The following KIRREL3 variants were observed in gnomAD, a reference collection of about 807,000 sequenced individuals.
KIRREL3 encodes the protein kin of IRRE-like protein 3.
A neutral mutation model predicts 89.7 loss-of-function variants in KIRREL3; 36 were observed. The ratio of observed to expected loss-of-function variants is 0.40; its 90% CI spans 0.31 to 0.53. KIRREL3 has a LOEUF of 0.53. Among genes scored for constraint, KIRREL3 ranks in the 20% least tolerant of loss-of-function variants. The pLI, the probability that KIRREL3 is intolerant of heterozygous loss-of-function variation, is 0.49. For missense variants in KIRREL3, 864 were observed against 1,056.6 expected, an observed-to-expected ratio of 0.82 and a Z score of 2.53; for synonymous variants, 445 against 441.4, an observed-to-expected ratio of 1.01 and a Z score of -0.10.
intron 1 of KIRREL3, among the ~76,000 whole-genome samples, chr11:126,880,162 TGTAA>T (rs748561914): frequency 3.9e-5 from 6 of 152,240 alleles, no homozygotes; most frequent in South Asian, 2.1e-4. Context: ...TGGGTGCGGC[TGTAA>T]GTGTTTGCTC....
In KIRREL3 at chr11:126,454,808, G is replaced by A. The variant is rs1163986286; in HGVS notation, c.848+1541C>T. 1.3e-5 allele frequency among the ~76,000 whole-genome samples: 2 copies of A among 152,158 alleles called. No individual in the cohort carries two copies. The highest frequency in any genetic ancestry group is 2.9e-5 in the Non-Finnish European group (2 of 68,024). On this transcript the variant is annotated intron_variant, in intron 7 of 16. Transcript: ENST00000525144. The surrounding 1 kb of genome is among the most constrained non-coding windows in gnomAD (Gnocchi z 5.8). ...TCCCCGGCTCAGAAGGGACCCTGGA[G>A]GTCATCTGTTCTTTCTTCTGACTCT...
At position 126,440,514 on chromosome 11, in the gene KIRREL3, C is replaced by A; in HGVS notation, c.1288G>T (p.Ala430Ser). Residue 430 changes from alanine (A) to serine (S), a missense_variant, in exon 11 of 17, where the codon GCC becomes TCC. Physicochemically the swap from Ala to Ser is moderately conservative, Grantham distance 99 (BLOSUM62 1). Transcript: ENST00000525144. ...PIISSTQTQH[A>S]LHGEKGQIKC... is the part of the protein sequence containing the mutation. ...ATCTGGCCCTTCTCGCCGTGGAGGG[C>A]GTGCTGGGTCTGGGTGCTGGAGATG... The A allele has an allele frequency of 6.2e-7, 1 of 1,601,960 alleles. No homozygotes were observed. Among genetic ancestry groups the A allele is most frequent in the South Asian group, 1.1e-5 (1 of 88,278 alleles).
intron 1 of KIRREL3, among the ~76,000 whole-genome samples, chr11:126,913,040 G>A (rs1946890071): frequency 6.6e-6 from 1 of 152,224 alleles, no homozygotes; most frequent in Non-Finnish European, 1.5e-5. Flanking sequence ...TGTTAGGCAA[G>A]TGAAATGTAG....
intron 2 of KIRREL3, among the ~76,000 whole-genome samples, chr11:126,532,109 C>T (rs753717283): frequency 7.9e-5 from 12 of 152,276 alleles, no homozygotes; most frequent in Non-Finnish European, 1.2e-4. Flanking sequence ...TGGCTGTATA[C>T]GTTGTTTCTG....
chr11:126,539,110 C>T (rs1938152718), intron 2 of KIRREL3, among the ~76,000 whole-genome samples: 1 of 152,198 alleles, frequency 6.6e-6, no homozygotes, highest in Non-Finnish European at 1.5e-5. Flanking sequence ...GGGCAAATTG[C>T]TTAGTCCCTC....
Position 126,486,318 on chromosome 11 carries a change from G to A in KIRREL3, c.434-12852C>T, listed in dbSNP as rs939832278. 2.0e-5 allele frequency among the ~76,000 whole-genome samples: 3 copies of A among 152,160 alleles called. No homozygotes were observed. Among genetic ancestry groups the A allele is most frequent in the Admixed American group, 6.5e-5 (1 of 15,280 alleles). ...GGGGGAGTGCATCAAACTGGAGAGAGGAAGGGGTGAGTAGGGCTGGGGCAG... is the reference window on the plus strand; with the variant it reads ...GGGGGAGTGCATCAAACTGGAGAGAAGAAGGGGTGAGTAGGGCTGGGGCAG... On this transcript the variant is annotated intron_variant, in intron 4 of 16. Transcript: ENST00000525144. The surrounding 1 kb of genome is among the most constrained non-coding windows in gnomAD (Gnocchi z 6.2).
At chr11:126,819,282 A>G (rs569028734) in intron 1 of KIRREL3, among the ~76,000 whole-genome samples, 48 of 152,360 alleles carry the variant, frequency 3.2e-4, no homozygotes, top group African/African-American at 1.0e-3. Context: ...GCTGAGAGGC[A>G]CTAAGGCTTT....
At chr11:126,923,902 T>C (rs1410507432) in intron 1 of KIRREL3, among the ~76,000 whole-genome samples, 3 of 152,184 alleles carry the variant, frequency 2.0e-5, no homozygotes, top group African/African-American at 7.2e-5. Flanking sequence ...CTCAAATGTG[T>C]CCAAAGTGAA....
chr11:126,984,669 G>T (rs1299229690), intron 1 of KIRREL3, among the ~76,000 whole-genome samples: 3 of 152,164 alleles, frequency 2.0e-5, no homozygotes, highest in Non-Finnish European at 4.4e-5. Flanking sequence ...TTGTGCCATA[G>T]TTGGAATCAA....
chr11:126,865,277 C>G (rs901889661), intron 1 of KIRREL3, among the ~76,000 whole-genome samples: 1 of 152,212 alleles, frequency 6.6e-6, no homozygotes, highest in Non-Finnish European at 1.5e-5. Flanking sequence ...AGCAAATTGA[C>G]CAAGCTCACC....
intron 1 of KIRREL3, among the ~76,000 whole-genome samples, chr11:126,567,875 G>A (rs1457324687): frequency 6.6e-6 from 1 of 152,074 alleles, no homozygotes; most frequent in Admixed American, 6.5e-5. Flanking sequence ...CGGTGACAAC[G>A]GATAGGCACC....
chr11:126,749,256 C>T (rs1949254989), intron 1 of KIRREL3, among the ~76,000 whole-genome samples: 1 of 152,144 alleles, frequency 6.6e-6, no homozygotes, highest in African/African-American at 2.4e-5. Context: ...CCCGCTGAGC[C>T]GGATCCTTTC....
Position 126,898,898 on chromosome 11 carries a change from G to T in KIRREL3, c.55+101557C>A, listed in dbSNP as rs973544837. 6.6e-6 allele frequency among the ~76,000 whole-genome samples: 1 copy of T among 152,044 alleles called. No individual in the cohort carries two copies. The highest frequency in any genetic ancestry group is 1.5e-5 in the Non-Finnish European group (1 of 68,026). On this transcript the variant is annotated intron_variant, in intron 1 of 16. Transcript: ENST00000525144. This position sits in a 1 kb window ranked among gnomAD's most constrained non-coding sequence, Gnocchi z 4.9. The stretch of plus-strand genomic sequence containing the variant: ...AAATGCCAACTTAAGTGGTGATTTT[G>T]ATGGCTACAATCCAGGCCCCCTTTC...
chr11:126,700,417 C>T (rs1299947171), intron 1 of KIRREL3, among the ~76,000 whole-genome samples: 2 of 152,280 alleles, frequency 1.3e-5, no homozygotes, highest in Non-Finnish European at 1.5e-5. Flanking sequence ...AGAACAGGAC[C>T]GGAAAACGAT....
intron 1 of KIRREL3, among the ~76,000 whole-genome samples, chr11:126,923,612 T>A (rs1947569982): frequency 6.6e-6 from 1 of 151,744 alleles, no homozygotes; most frequent in South Asian, 2.1e-4. Context: ...CTCAGCTAAT[T>A]TTTTGTATTT....
At chr11:126,889,862 T>C (rs950557896) in intron 1 of KIRREL3, among the ~76,000 whole-genome samples, 1 of 152,224 alleles carries the variant, frequency 6.6e-6, no homozygotes, top group African/African-American at 2.4e-5. Flanking sequence ...TGGGAATCAC[T>C]TCATAAAAAA....
chr11:126,734,461 C>T lies in KIRREL3; in HGVS notation c.56-171549G>A, dbSNP rs566795105. Among the ~76,000 whole-genome samples, 2 of 152,102 alleles carry T rather than the reference C, an allele frequency of 1.3e-5. No homozygotes were observed. The highest frequency in any genetic ancestry group is 2.4e-5 in the African/African-American group (1 of 41,508). On this transcript the variant is annotated intron_variant, in intron 1 of 16. Coordinates refer to ENST00000525144, the MANE Select transcript of KIRREL3 (RefSeq NM_032531.4). This position sits in a 1 kb window ranked among gnomAD's most constrained non-coding sequence, Gnocchi z 5.9. ...GGTGGATCACCTGAGGTCAGGAGTT[C>T]GAGACCAGCCTGACCAACATGGAGA...
At position 126,734,722 on chromosome 11, in the gene KIRREL3, G is replaced by A. The variant is rs759118938; in HGVS notation, c.56-171810C>T. 1.3e-5 allele frequency among the ~76,000 whole-genome samples: 2 copies of A among 152,162 alleles called. No homozygotes were observed. Among genetic ancestry groups the A allele is most frequent in the Non-Finnish European group, 2.9e-5 (2 of 68,040 alleles). ...CTAGGAATTACAGAAAGTGATAAAG[G>A]AGACTGTGTGATATGGTCAGTAACA... On this transcript the variant is annotated intron_variant, in intron 1 of 16. Transcript: ENST00000525144. The surrounding 1 kb of genome is among the most constrained non-coding windows in gnomAD (Gnocchi z 5.9).
At position 126,766,625 on chromosome 11, in the gene KIRREL3, T is replaced by TACCA. The variant is rs1949832816; in HGVS notation, c.56-203717_56-203714dup. Among the ~76,000 whole-genome samples, 1 of 152,146 alleles carries TACCA rather than the reference T, an allele frequency of 6.6e-6. No individual in the cohort carries two copies. The highest frequency in any genetic ancestry group is 1.9e-4 in the East Asian group (1 of 5,188). ...GGTGGCGCCAGTAGTATCATTCCATTACCATTTCCTCAAATGGGGAGTGTA... is the reference window on the plus strand; with the variant it reads ...GGTGGCGCCAGTAGTATCATTCCATTACCAACCATTTCCTCAAATGGGGAGTGTA... On this transcript the variant is annotated intron_variant, in intron 1 of 16. Coordinates refer to ENST00000525144, the MANE Select transcript of KIRREL3 (RefSeq NM_032531.4). The surrounding 1 kb of genome is among the most constrained non-coding windows in gnomAD (Gnocchi z 4.2).
Sources: allele counts gnomAD v4.1 joint callset (sites outside exome capture counted in the v4.1 genomes callset), GRCh38; gene constraint gnomAD v4.1.1; non-coding constraint Gnocchi (gnomAD v3.1); transcripts MANE v1.5; gene names NCBI Gene and HGNC (gene_info 2026-07-23, HGNC 2026-07-21).